The following GABRG3 variants were observed in gnomAD, a reference collection of about 807,000 sequenced individuals.
GABRG3 encodes gamma-aminobutyric acid type A receptor subunit gamma3.
GABRG3 carries 25 observed loss-of-function variants against 48.8 expected under a neutral mutation model. The ratio of observed to expected loss-of-function variants is 0.51; its 90% CI spans 0.37 to 0.72. GABRG3 has a LOEUF of 0.72. GABRG3 is among the 30% of genes least tolerant of loss of function. GABRG3 has a pLI of 0.00. For synonymous variants in GABRG3, 227 were observed against 217.6 expected (o/e 1.04, Z -0.38); for missense variants, 394 against 577.9 (o/e 0.68, Z 3.26).
chr15:27,331,266 A>T (rs972245972), intron 5 of GABRG3, among the ~76,000 whole-genome samples: 2 of 152,164 alleles, frequency 1.3e-5, no homozygotes, highest in Non-Finnish European at 2.9e-5. Flanking sequence ...ATTAAAACTT[A>T]TGTCCACACC....
At chr15:27,371,254 T>C (rs951262482) in intron 5 of GABRG3, among the ~76,000 whole-genome samples, 1 of 152,014 alleles carries the variant, frequency 6.6e-6, no homozygotes, top group African/African-American at 2.4e-5. Context: ...CAATTTTTCT[T>C]CCTCTCTTTT....
At chr15:27,128,247 T>C (rs2140380914) in intron 3 of GABRG3, among the ~76,000 whole-genome samples, 1 of 152,250 alleles carries the variant, frequency 6.6e-6, no homozygotes, top group South Asian at 2.1e-4. Context: ...TTGGCGTCCA[T>C]ATCTGGTGGA....
chr15:27,411,772 A>G (rs1343579696), intron 5 of GABRG3, among the ~76,000 whole-genome samples: 1 of 152,104 alleles, frequency 6.6e-6, no homozygotes, highest in African/African-American at 2.4e-5. Context: ...ACCATTTAAC[A>G]TGTACTTCAG....
At chr15:27,344,848 A>T (rs1006585799) in intron 5 of GABRG3, among the ~76,000 whole-genome samples, 6 of 152,020 alleles carry the variant, frequency 3.9e-5, no homozygotes, top group Non-Finnish European at 8.8e-5. Flanking sequence ...CAATTCTTCC[A>T]GTTTTACCTC....
intron 3 of GABRG3, among the ~76,000 whole-genome samples, chr15:27,063,782 A>G (rs77702559): frequency 0.028 from 4,314 of 152,282 alleles, 170 homozygotes; most frequent in East Asian, 0.2. Context: ...CATCTTTGCA[A>G]TGAGCACAGA....
rs1894938378 is a variant in GABRG3, at chr15:26,976,129, A to G, written c.54-873A>G. On this transcript the variant is annotated intron_variant, in intron 1 of 9. Transcript: ENST00000615808. The surrounding 1 kb of genome is among the most constrained non-coding windows in gnomAD (Gnocchi z 7.8). ...ACCCAAAACTGCAGAACCAAAAAAA[A>G]AAAAAGGGAAAACTAGCCGGTCATC... is the stretch of plus-strand genomic sequence containing the variant. 6.6e-6 allele frequency among the ~76,000 whole-genome samples: 1 copy of G among 152,100 alleles called. No individual in the cohort carries two copies. The highest frequency in any genetic ancestry group is 2.4e-5 in the African/African-American group (1 of 41,414).
chr15:27,061,373 G>A (rs1033276694), intron 3 of GABRG3, among the ~76,000 whole-genome samples: 1 of 152,016 alleles, frequency 6.6e-6, no homozygotes, highest in Admixed American at 6.5e-5. Context: ...GGTTCTGAAC[G>A]CTGGCCATCT....
chr15:27,409,727 A>G (rs1217749830), intron 5 of GABRG3, among the ~76,000 whole-genome samples: 1 of 152,146 alleles, frequency 6.6e-6, no homozygotes, highest in Non-Finnish European at 1.5e-5. Context: ...CATTATTTAT[A>G]TCTTTATTAG....
At chr15:27,386,162 G>C (rs1173207093) in intron 5 of GABRG3, among the ~76,000 whole-genome samples, 1 of 152,056 alleles carries the variant, frequency 6.6e-6, no homozygotes, top group Non-Finnish European at 1.5e-5. Context: ...TTTAAGTCAG[G>C]CTTCCTAAGT....
At chr15:27,403,292 G>C (rs1887527406) in intron 5 of GABRG3, among the ~76,000 whole-genome samples, 3 of 152,110 alleles carry the variant, frequency 2.0e-5, no homozygotes. Context: ...TTTTACCAAA[G>C]AGCCAGGCAT....
intron 3 of GABRG3, among the ~76,000 whole-genome samples, chr15:27,070,233 C>T (rs1402689732): frequency 6.6e-6 from 1 of 152,196 alleles, no homozygotes; most frequent in African/African-American, 2.4e-5. Flanking sequence ...ATCTTCAGTG[C>T]CGTATACAAA....
chr15:27,455,396 G>GT (rs982939815), intron 5 of GABRG3, among the ~76,000 whole-genome samples: 2 of 141,920 alleles, frequency 1.4e-5, no homozygotes, highest in Non-Finnish European at 3.1e-5. Flanking sequence ...TATGTGGTGT[G>GT]TATGTGTGCT....
Position 27,537,103 on chromosome 15 carries a change from A to G in GABRG3, c.*4222A>G, listed in dbSNP as rs1891563852. On this transcript the variant is annotated 3_prime_UTR_variant, in exon 10 of 10. Coordinates refer to ENST00000615808, the MANE Select transcript of GABRG3 (RefSeq NM_033223.5). ...AGCGATTTTAAACTCTACCCGTAAGAAATTTCATCTGCAATTTCTGTAAAA... is the reference window on the plus strand; with the variant it reads ...AGCGATTTTAAACTCTACCCGTAAGGAATTTCATCTGCAATTTCTGTAAAA... 1 of 150,972 alleles carries G rather than the reference A, an allele frequency of 6.6e-6. No homozygotes were observed. Among genetic ancestry groups the G allele is most frequent in the South Asian group, 2.1e-4 (1 of 4,784 alleles). 9.4% of individuals were successfully genotyped at this position (150,972 alleles called of 1,614,324 possible).
rs1051169361 is a variant in GABRG3 at position 27,457,976 on chromosome 15, T to C, written c.575-22674T>C. 6.6e-5 allele frequency among the ~76,000 whole-genome samples: 10 copies of C among 152,178 alleles called. No homozygotes were observed. The highest frequency in any genetic ancestry group is 1.3e-4 in the Admixed American group (2 of 15,278). On this transcript the variant is annotated intron_variant, in intron 5 of 9. Transcript: ENST00000615808. This position sits in a 1 kb window ranked among gnomAD's most constrained non-coding sequence, Gnocchi z 4.4. ...TGAAAGAGGAGGCAGAAACAGCCTGTGACCATCTGCTTTTGTCGTGAACTC... is the reference window on the plus strand; with the variant it reads ...TGAAAGAGGAGGCAGAAACAGCCTGCGACCATCTGCTTTTGTCGTGAACTC...
intron 2 of GABRG3, among the ~76,000 whole-genome samples, chr15:27,020,492 A>G (rs1374612103): frequency 6.6e-6 from 1 of 152,058 alleles, no homozygotes; most frequent in African/African-American, 2.4e-5. Context: ...GCTCACTGCA[A>G]GCTCCGCCTC....
intron 3 of GABRG3, among the ~76,000 whole-genome samples, chr15:27,255,474 A>G (rs1268674554): frequency 6.6e-6 from 1 of 152,228 alleles, no homozygotes. Context: ...ACTCAGGGAC[A>G]AAACGGAACT....
At chr15:27,460,847 C>T (rs1336642184) in intron 5 of GABRG3, among the ~76,000 whole-genome samples, 1 of 152,086 alleles carries the variant, frequency 6.6e-6, no homozygotes, top group Non-Finnish European at 1.5e-5. Flanking sequence ...TCCAGCCCAT[C>T]CATTTGGTGG....
At chr15:27,154,176 T>C (rs922276648) in intron 3 of GABRG3, among the ~76,000 whole-genome samples, 6 of 152,166 alleles carry the variant, frequency 3.9e-5, no homozygotes, top group Non-Finnish European at 7.4e-5. Context: ...TAAACTAATG[T>C]TATTTATTAT....
In GABRG3 at chr15:27,014,635, G is replaced by T. The variant is rs1464698108; in HGVS notation, c.203-12119G>T. On this transcript the variant is annotated intron_variant, in intron 2 of 9. Coordinates refer to ENST00000615808, the MANE Select transcript of GABRG3 (RefSeq NM_033223.5). ...TCCTGTTGATTTGTTTCATTCTATTGTACTTTGAGTGATTTAAATCTTAAA... is the reference window on the plus strand; with the variant it reads ...TCCTGTTGATTTGTTTCATTCTATTTTACTTTGAGTGATTTAAATCTTAAA... Among the ~76,000 whole-genome samples, 3 of 152,022 alleles carry T rather than the reference G, an allele frequency of 2.0e-5. No homozygotes were observed. In the East Asian group the frequency reaches 5.8e-4, roughly 29 times the overall value.
Sources: gnomAD v4.1 joint callset for allele counts (sites outside exome capture counted in the v4.1 genomes callset) on GRCh38, gnomAD v4.1.1 for gene constraint, Gnocchi (gnomAD v3.1) non-coding constraint, MANE v1.5 for transcripts, NCBI Gene and HGNC (gene_info 2026-07-23, HGNC 2026-07-21) for gene names.